Variants in PHLDB2 observed in about 807,000 individuals in gnomAD.
PHLDB2 encodes pleckstrin homology like domain family B member 2, also known as pleckstrin homology-like domain family B member 2.
A neutral mutation model predicts 123.6 loss-of-function variants in PHLDB2; 71 were observed. That is an observed-to-expected ratio of 0.57 (90% confidence interval 0.47 to 0.70). The LOEUF is 0.70. Among genes scored for constraint, PHLDB2 ranks in the 30% least tolerant of loss-of-function variants. PHLDB2 has a pLI of 0.00. For synonymous variants in PHLDB2, 547 were observed against 541.6 expected (o/e 1.01, Z -0.14); for missense variants, 1,446 against 1,519.5 (o/e 0.95, Z 0.80).
rs9871071 is a variant in PHLDB2, at chr3:111,963,756, G to T, written c.3077+1444G>T. Among the ~76,000 whole-genome samples the T allele has an allele frequency of 6.6e-3, 1,010 of 152,196 alleles. 11 individuals are homozygous for T. The highest frequency in any genetic ancestry group is 0.023 in the African/African-American group (960 of 41,524). On this transcript the variant is annotated intron_variant, in intron 13 of 17. Transcript: ENST00000431670. ...CCTCATTAATAGGCTTATAATTTGG[G>T]AATATTTTAGTACATAAGTTAAAAA... is the stretch of plus-strand genomic sequence containing the variant.
chr3:111,948,888 G>C (rs1465410643), intron 9 of PHLDB2, 44 bp from the exon 10 acceptor site: 51 of 1,601,702 alleles, frequency 3.2e-5, no homozygotes, highest in Non-Finnish European at 4.4e-5. Flanking sequence ...GCATGCCTCA[G>C]CTTTTGCTTT....
chr3:111,972,531 C>T (rs1190409042), intron 16 of PHLDB2, among the ~76,000 whole-genome samples: 3 of 111,000 alleles, frequency 2.7e-5, no homozygotes, highest in South Asian at 6.3e-4. Context: ...TCTGATCTCT[C>T]GTTTTTAAGC....
At chr3:111,857,557 G>C (rs1484762360), upstream of PHLDB2, among the ~76,000 whole-genome samples, 1 of 152,094 alleles carries the variant, frequency 6.6e-6, no homozygotes. Flanking sequence ...AAGAGATGAC[G>C]TGGGTGAGAA....
chr3:111,921,944 A>G (rs1244746478), intron 5 of PHLDB2, among the ~76,000 whole-genome samples: 1 of 152,174 alleles, frequency 6.6e-6, no homozygotes, highest in East Asian at 1.9e-4. Context: ...TATTTTTCCT[A>G]AAAGGCCAAA....
intron 2 of PHLDB2, among the ~76,000 whole-genome samples, chr3:111,846,728 C>A (rs887172021): frequency 1.3e-5 from 2 of 151,780 alleles, no homozygotes; most frequent in Non-Finnish European, 1.5e-5. Flanking sequence ...AACACACATA[C>A]ACACACACAC....
chr3:111,926,946 C>T (rs977600935), intron 5 of PHLDB2, among the ~76,000 whole-genome samples: 5 of 152,006 alleles, frequency 3.3e-5, no homozygotes, highest in African/African-American at 1.2e-4. Context: ...CAGAATATTC[C>T]AATATCCAAA....
chr3:111,962,077 C>T, intron 12 of PHLDB2, 31 bp from the exon 13 acceptor site: 1 of 1,568,704 alleles, frequency 6.4e-7, no homozygotes, highest in Non-Finnish European at 8.6e-7. Flanking sequence ...AAAAATGAGG[C>T]AAACTAACAT....
intron 2 of PHLDB2, among the ~76,000 whole-genome samples, chr3:111,905,343 TG>T (rs1209491771): frequency 6.6e-6 from 1 of 152,096 alleles, no homozygotes; most frequent in Non-Finnish European, 1.5e-5. Context: ...TTCTGTTTTT[TG>T]TTTTTTTAAG....
chr3:111,888,020 C>T (rs138542389), intron 2 of PHLDB2, among the ~76,000 whole-genome samples: 122 of 152,126 alleles, frequency 8.0e-4, no homozygotes, highest in Middle Eastern at 3.4e-3. Context: ...GTTAATTTAA[C>T]AAACAATATC....
rs774585872 is a variant in PHLDB2 at position 111,913,326 on chromosome 3, A to G, written c.1343A>G (p.Gln448Arg). ...REQEMERLER[Q>R]RLETILSLCA... ...CTCCTCCCTGTGTTCCAGGAGAGAC[A>G]GCGTCTGGAGACCATCCTCAGTCTC... The change falls in exon 3 of 18, where the codon CAG becomes CGG. Residue 448 changes from glutamine (Q) to arginine (R), a missense_variant. Coordinates refer to ENST00000431670, the MANE Select transcript of PHLDB2 (RefSeq NM_001134438.2). 3.1e-6 allele frequency: 5 copies of G among 1,590,466 alleles called. No homozygotes were observed. Among genetic ancestry groups the G allele is most frequent in the Non-Finnish European group, 4.3e-6 (5 of 1,169,510 alleles).
chr3:111,757,451 G>T (rs918815485), intron 1 of PHLDB2, among the ~76,000 whole-genome samples: 5 of 152,036 alleles, frequency 3.3e-5, no homozygotes, highest in South Asian at 2.1e-4. Context: ...TCTCTGTATT[G>T]GTTATTCTAG....
chr3:111,973,865 A>C, intron 17 of PHLDB2, 48 bp downstream of exon 17: 1 of 1,159,670 alleles, frequency 8.6e-7, no homozygotes, highest in Admixed American at 1.9e-5. Flanking sequence ...CATAATTAAG[A>C]AGGGAAAAAT....
chr3:111,830,955 G>GAGAGAGAGAGAGAGAA (rs1553736315), intron 1 of PHLDB2, among the ~76,000 whole-genome samples: 4 of 63,706 alleles, frequency 6.3e-5, no homozygotes, highest in East Asian at 6.1e-4. Context: ...AAGAAAGAAA[G>GAGAGAGAGAGAGAGAA]AGAAAGAAAG....
intron 6 of PHLDB2, among the ~76,000 whole-genome samples, chr3:111,933,888 T>C (rs1263511794): frequency 6.6e-6 from 1 of 152,214 alleles, no homozygotes; most frequent in Non-Finnish European, 1.5e-5. Flanking sequence ...TATTTTGTCC[T>C]TCCCTTCCTC....
At chr3:111,967,546 G>A (rs1165101403) in intron 14 of PHLDB2, 132 bp from the exon 15 acceptor site, 2 of 886,636 alleles carry the variant, frequency 2.3e-6, no homozygotes, top group Non-Finnish European at 3.1e-6. Flanking sequence ...TTTTCTTGTA[G>A]GTTATGTATT....
intron 2 of PHLDB2, among the ~76,000 whole-genome samples, chr3:111,850,793 A>G (rs2064212846): frequency 6.6e-6 from 1 of 152,158 alleles, no homozygotes; most frequent in Non-Finnish European, 1.5e-5. Flanking sequence ...TAAAAGAACT[A>G]TACTAGTCAT....
chr3:111,876,334 T>G (rs2065618737), intron 1 of PHLDB2, among the ~76,000 whole-genome samples: 1 of 152,080 alleles, frequency 6.6e-6, no homozygotes. Context: ...AACTTGGCGG[T>G]TAAGAACACT....
chr3:111,951,959 G>A (rs555653943), intron 10 of PHLDB2, among the ~76,000 whole-genome samples: 1 of 152,106 alleles, frequency 6.6e-6, no homozygotes, highest in South Asian at 2.1e-4. Context: ...TTAGAAATCT[G>A]AAAAAAATTA....
chr3:111,852,317 T>TTATATATATATA (rs941787026), intron 2 of PHLDB2, among the ~76,000 whole-genome samples: 1 of 148,420 alleles, frequency 6.7e-6, no homozygotes, highest in Non-Finnish European at 1.5e-5. Context: ...AAAATATATA[T>TTATATATATATA]TATATATACA....
Sources: allele counts gnomAD v4.1 joint callset (sites outside exome capture counted in the v4.1 genomes callset), GRCh38; gene constraint gnomAD v4.1.1; transcripts MANE v1.5; gene names NCBI Gene and HGNC (gene_info 2026-07-23, HGNC 2026-07-21).